DDR2: variants seen among roughly 807,000 people sequenced by gnomAD.
DDR2 encodes the protein discoidin domain receptor tyrosine kinase 2.
In DDR2, 27 loss-of-function variants were observed where a neutral mutation model predicts 94.9. That is an observed-to-expected ratio of 0.28 (90% CI 0.21 to 0.39). DDR2 has a LOEUF of 0.39. Ranked by LOEUF, DDR2 falls within the 10% of genes least tolerant of loss-of-function variation. The pLI, the probability that DDR2 is intolerant of heterozygous loss-of-function variation, is 1.00. For missense variants in DDR2, 783 were observed against 1,076.0 expected (o/e 0.73, Z 3.81); for synonymous variants, 382 against 377.2 (o/e 1.01, Z -0.15).
In DDR2 at chr1:162,783,159, A is replaced by G. The variant is rs147898686; in HGVS notation, c.*2913A>G. On this transcript the variant is annotated 3_prime_UTR_variant, in exon 18 of 18. Coordinates refer to ENST00000367921, the MANE Select transcript of DDR2 (RefSeq NM_006182.4). The stretch of plus-strand genomic sequence containing the variant: ...GTTATCTTCTTCATGATATATGTGA[A>G]TTATTTTATGTGCAGATTGTGTTTT... 4.8e-4 allele frequency: 73 copies of G among 152,320 alleles called. No homozygotes were observed. The East Asian group carries it at 0.014, about 29-fold the overall frequency. The allele number at this position is 152,320 out of a possible 1,614,324, so 9.4% of individuals were successfully genotyped here. A position where few individuals can be genotyped will look rare whatever the true frequency, so the allele number is the denominator to read the frequency against.
At chr1:162,708,051 T>C (rs1660735722) in intron 2 of DDR2, among the ~76,000 whole-genome samples, 1 of 152,198 alleles carries the variant, frequency 6.6e-6, no homozygotes. Context: ...ATCCTTTCTG[T>C]CTCTGATGGT....
At chr1:162,720,055 C>G (rs1041752659) in intron 3 of DDR2, among the ~76,000 whole-genome samples, 1 of 152,066 alleles carries the variant, frequency 6.6e-6, no homozygotes, top group African/African-American at 2.4e-5. Context: ...TTGGCCAAAG[C>G]AATTCATGTG....
At chr1:162,752,207 G>C (rs1013168055) in intron 3 of DDR2, among the ~76,000 whole-genome samples, 1 of 151,742 alleles carries the variant, frequency 6.6e-6, no homozygotes. Flanking sequence ...AATTTAACTA[G>C]GTATACTCTA....
chr1:162,749,051 C>G (rs915043018), intron 3 of DDR2, among the ~76,000 whole-genome samples: 12 of 152,172 alleles, frequency 7.9e-5, no homozygotes, highest in Admixed American at 5.9e-4. Flanking sequence ...CAAGAGAAAG[C>G]AGAAAAGATC....
chr1:162,776,595 G>A (rs1156456929), intron 16 of DDR2, among the ~76,000 whole-genome samples: 2 of 152,150 alleles, frequency 1.3e-5, no homozygotes, highest in African/African-American at 4.8e-5. Context: ...AAGTTAAAAA[G>A]TATAAGAGAT....
At chr1:162,762,355 A>G (rs1318964614) in intron 9 of DDR2, among the ~76,000 whole-genome samples, 2 of 152,170 alleles carry the variant, frequency 1.3e-5, no homozygotes, top group Non-Finnish European at 2.9e-5. Context: ...AGAATTCTTT[A>G]TAAGCATTCT....
intron 1 of DDR2, among the ~76,000 whole-genome samples, chr1:162,652,267 C>G (rs1456202682): frequency 6.6e-6 from 1 of 152,134 alleles, no homozygotes; most frequent in Non-Finnish European, 1.5e-5. Flanking sequence ...TTCTGTATGC[C>G]TTATGGACCT....
chr1:162,704,434 C>T (rs550694593), intron 2 of DDR2, among the ~76,000 whole-genome samples: 3 of 152,192 alleles, frequency 2.0e-5, no homozygotes, highest in African/African-American at 7.2e-5. Context: ...TGACACATAC[C>T]AACATCAAAT....
intron 14 of DDR2, among the ~76,000 whole-genome samples, 157 bp downstream of exon 14, chr1:162,773,753 C>T (rs562693303): frequency 1.3e-5 from 2 of 152,240 alleles, no homozygotes; most frequent in African/African-American, 2.4e-5. Context: ...CCGATGGGGT[C>T]GGCAGTCCTC....
chr1:162,732,461 TGAATTTCAGTCCTGGTTAC>T (rs1283603256), intron 3 of DDR2, among the ~76,000 whole-genome samples: 1 of 152,202 alleles, frequency 6.6e-6, no homozygotes, highest in Non-Finnish European at 1.5e-5. Context: ...TCAGGAGACC[TGAATTTCAGTCCTGGTTAC>T]CCTAGCCCTC....
chr1:162,679,117 G>A (rs1266202019), intron 2 of DDR2, among the ~76,000 whole-genome samples: 1 of 151,234 alleles, frequency 6.6e-6, no homozygotes, highest in East Asian at 1.9e-4. Flanking sequence ...ATGGGGATTT[G>A]GTGTACAGGT....
intron 2 of DDR2, among the ~76,000 whole-genome samples, chr1:162,660,074 G>GT (rs1003197447): frequency 6.6e-6 from 1 of 152,118 alleles, no homozygotes. Flanking sequence ...CAAACTTCCT[G>GT]TTTTTTGGGC....
intron 14 of DDR2, among the ~76,000 whole-genome samples, chr1:162,774,717 T>C (rs1291496436): frequency 6.6e-6 from 1 of 151,814 alleles, no homozygotes; most frequent in Non-Finnish European, 1.5e-5. Context: ...TTCCGATCGG[T>C]GAAGTTTGCC....
At chr1:162,737,523 G>A (rs2102074375) in intron 3 of DDR2, among the ~76,000 whole-genome samples, 1 of 134,742 alleles carries the variant, frequency 7.4e-6, no homozygotes, top group African/African-American at 2.8e-5. Flanking sequence ...ATTCCATGGT[G>A]TATATGTGCC....
chr1:162,751,240 G>C (rs1336621245), intron 3 of DDR2, among the ~76,000 whole-genome samples: 5 of 151,992 alleles, frequency 3.3e-5, no homozygotes, highest in Non-Finnish European at 1.5e-5. Context: ...TTTTTGCAAT[G>C]TACCCATCTG....
At position 162,643,454 on chromosome 1, in the gene DDR2, A is replaced by C. The variant is rs867050458; in HGVS notation, c.-192+10823A>C. Among the ~76,000 whole-genome samples the C allele has an allele frequency of 3.3e-5, 5 of 152,286 alleles. No individual in the cohort carries two copies. In the South Asian group the frequency reaches 8.3e-4, roughly 25 times the overall value. The stretch of plus-strand genomic sequence containing the variant: ...TTTTGCAGAAGTAATATAGGAAAGA[A>C]GAGCATTGAAATAGGGCAGAAGATC... On this transcript the variant is annotated intron_variant, in intron 1 of 17. Coordinates refer to ENST00000367921, the MANE Select transcript of DDR2 (RefSeq NM_006182.4).
In DDR2 at chr1:162,723,515, C is replaced by T. The variant is rs1261326254; in HGVS notation, c.82+4370C>T. Among the ~76,000 whole-genome samples, 46 of 152,138 alleles carry T rather than the reference C, an allele frequency of 3.0e-4. 1 individual carries two copies. Among genetic ancestry groups the T allele is most frequent in the Admixed American group, 3.0e-3 (46 of 15,288 alleles). The stretch of plus-strand genomic sequence containing the variant: ...TTCAGTGGTTAGTGGGGAACTGGCA[C>T]CTTACGTTTTTCCAGGTAGGAGGAT... On this transcript the variant is annotated intron_variant, in intron 3 of 17. Transcript: ENST00000367921.
At chr1:162,694,556 G>A (rs1259264714) in intron 2 of DDR2, among the ~76,000 whole-genome samples, 1 of 151,924 alleles carries the variant, frequency 6.6e-6, no homozygotes, top group Non-Finnish European at 1.5e-5. Flanking sequence ...TTCTCCTATC[G>A]TTGCCCCGTC....
rs1046401339 is a variant in DDR2 at position 162,784,777 on chromosome 1, T to TTACCC, written c.*4534_*4538dup. 3.3e-5 allele frequency: 5 copies of TTACCC among 152,160 alleles called. No homozygotes were observed. Among genetic ancestry groups the TTACCC allele is most frequent in the Middle Eastern group, 3.2e-3 (1 of 316 alleles). 9.4% of individuals were successfully genotyped at this position (152,160 alleles called of 1,614,324 possible). ...ATGTTACAAAAATAGTAGAGTGGCC[T>TTACCC]TACCCTAGATCCAGTTTTCCCCATT... On this transcript the variant is annotated 3_prime_UTR_variant, in exon 18 of 18. Transcript: ENST00000367921.
Sources: gnomAD v4.1 joint callset for allele counts (sites outside exome capture counted in the v4.1 genomes callset) on GRCh38, gnomAD v4.1.1 for gene constraint, MANE v1.5 for transcripts, NCBI Gene and HGNC (gene_info 2026-07-23, HGNC 2026-07-21) for gene names.